Variants in CCAR1 observed in about 807,000 individuals in gnomAD.
CCAR1 encodes cell division cycle and apoptosis regulator protein 1.
In CCAR1, 78 loss-of-function variants were observed where a neutral mutation model predicts 163.8. The observed-to-expected ratio is 0.48, with a 90% CI of 0.40 to 0.57. The LOEUF (loss-of-function observed/expected upper bound fraction) is 0.57. Ranked by LOEUF, CCAR1 falls within the 20% of genes least tolerant of loss-of-function variation. The pLI, the probability that CCAR1 is intolerant of heterozygous loss-of-function variation, is 0.00. For missense variants in CCAR1, 1,019 were observed against 1,365.2 expected (o/e 0.75, Z 4.00); for synonymous variants, 443 against 460.7 (o/e 0.96, Z 0.49).
At chr10:68,739,499 T>TC (rs2056156122) in intron 4 of CCAR1, among the ~76,000 whole-genome samples, 1 of 152,132 alleles carries the variant, frequency 6.6e-6, no homozygotes, top group Non-Finnish European at 1.5e-5. Context: ...AACTTCTTTG[T>TC]CCCTAGATCC....
chr10:68,728,800 C>G (rs552490429), intron 2 of CCAR1, among the ~76,000 whole-genome samples: 1 of 152,038 alleles, frequency 6.6e-6, no homozygotes, highest in Admixed American at 6.6e-5. Context: ...ACTAAAAATA[C>G]AAAAATAAGC....
intron 17 of CCAR1, among the ~76,000 whole-genome samples, chr10:68,766,923 C>T (rs1486695786): frequency 6.6e-6 from 1 of 152,152 alleles, no homozygotes; most frequent in Non-Finnish European, 1.5e-5. Context: ...TCTAACTTTC[C>T]TTACAGACTC....
Position 68,788,200 on chromosome 10 carries a change from A to G in CCAR1, c.3059A>G (p.Glu1020Gly). The G allele has an allele frequency of 6.3e-7, 1 of 1,596,516 alleles. No homozygotes were observed. The highest frequency in any genetic ancestry group is 8.5e-7 in the Non-Finnish European group (1 of 1,173,982). Residue 1020 changes from glutamate (E) to glycine (G), a missense_variant, in exon 23 of 25, where the codon GAA (glutamate) becomes GGA (glycine). By Grantham distance (98) the Glu-to-Gly change is moderately conservative. This residue lies in a region of CCAR1 where 358 missense variants were observed against 406.4 expected (regional missense o/e 0.88). Coordinates refer to ENST00000265872, the MANE Select transcript of CCAR1 (RefSeq NM_018237.4). The part of the protein sequence containing the change: ...TVKQESKDVE[E>G]NVGLIVYNGA... ...AAGCAGGAATCAAAGGATGTGGAAGAAAATGTTGGCCTCATTGTGTACAAT... is the reference window on the plus strand; with the variant it reads ...AAGCAGGAATCAAAGGATGTGGAAGGAAATGTTGGCCTCATTGTGTACAAT...
At position 68,749,652 on chromosome 10, in the gene CCAR1, A is replaced by T; in HGVS notation, c.1085A>T (p.Tyr362Phe). Reference protein sequence around the residue: ...PRRVRRVVPRYTVQFSKFSLD... With the variant: ...PRRVRRVVPRFTVQFSKFSLD... ...AGAGTTCGACGTGTTGTTCCACGTT[A>T]CACAGTTCAGTTTTCAAAGTTTTCT... Residue 362 changes from tyrosine (Y) to phenylalanine (F), a missense_variant, in exon 10 of 25, where the codon TAC (tyrosine) becomes TTC (phenylalanine). By Grantham distance (22) the Tyr-to-Phe change is conservative. Transcript: ENST00000265872. The T allele has an allele frequency of 4.3e-6, 7 of 1,613,124 alleles. No homozygotes were observed. Among genetic ancestry groups the T allele is most frequent in the Non-Finnish European group, 5.9e-6 (7 of 1,179,274 alleles).
intron 2 of CCAR1, among the ~76,000 whole-genome samples, chr10:68,729,060 C>A (rs542162787): frequency 6.6e-6 from 1 of 151,964 alleles, no homozygotes; most frequent in Non-Finnish European, 1.5e-5. Context: ...ACTATTAAGC[C>A]CCTGAAATAT....
At chr10:68,774,335 T>C (rs963779604) in intron 19 of CCAR1, among the ~76,000 whole-genome samples, 2 of 152,110 alleles carry the variant, frequency 1.3e-5, no homozygotes, top group African/African-American at 4.8e-5. Context: ...TCTAAATATA[T>C]TCTTTAGAAA....
chr10:68,742,205 G>A (rs1396041539), intron 5 of CCAR1, among the ~76,000 whole-genome samples, 171 bp from the exon 6 acceptor site: 1 of 152,102 alleles, frequency 6.6e-6, no homozygotes, highest in Non-Finnish European at 1.5e-5. Context: ...TGATGAAATA[G>A]GCTAAAAATA....
rs1425483092 is a variant in CCAR1, at chr10:68,773,060, G to A, written c.2611G>A (p.Asp871Asn). The A allele has an allele frequency of 6.4e-7, 1 of 1,565,074 alleles. No individual in the cohort carries two copies. The highest frequency in any genetic ancestry group is 8.7e-7 in the Non-Finnish European group (1 of 1,150,576). ...AGAAGATAACAATCAAGATGAATAT[G>A]ACCCTATGGAAGCAGAAGAAGCTGA... Reference protein sequence around the residue: ...TEEDNNQDEYDPMEAEEAEDE... With the variant: ...TEEDNNQDEYNPMEAEEAEDE... Residue 871 changes from aspartate to asparagine, a missense_variant, in exon 19 of 25, where the codon GAC (aspartate) becomes AAC (asparagine). Coordinates refer to ENST00000265872, the MANE Select transcript of CCAR1 (RefSeq NM_018237.4).
chr10:68,766,352 G>A (rs2056535458), intron 17 of CCAR1, among the ~76,000 whole-genome samples: 1 of 151,562 alleles, frequency 6.6e-6, no homozygotes, highest in Non-Finnish European at 1.5e-5. Flanking sequence ...ACAGGCACCT[G>A]CCACCACACC....
intron 19 of CCAR1, among the ~76,000 whole-genome samples, chr10:68,778,679 C>A (rs1318804042): frequency 6.6e-6 from 1 of 152,146 alleles, no homozygotes; most frequent in Non-Finnish European, 1.5e-5. Flanking sequence ...AATATATATT[C>A]CAAGTTCCTG....
rs750259008 is a variant in CCAR1, at chr10:68,747,484, G to A, written c.744G>A (p.Leu248=). ...VQTQPQPQSL[L]QAQISAASIT... ...CTCAGCCCCAGCCCCAGTCACTGCT[G>A]CAGGCACAGATTTCAGCAGCTTCTA... Residue 248 remains leucine (L), a synonymous_variant, in exon 8 of 25, where the codon CTG becomes CTA. Transcript: ENST00000265872. The A allele has an allele frequency of 1.2e-6, 2 of 1,614,120 alleles. No individual in the cohort carries two copies. Among genetic ancestry groups the A allele is most frequent in the South Asian group, 1.1e-5 (1 of 91,080 alleles).
At chr10:68,727,783 A>T (rs1564527047) in intron 2 of CCAR1, among the ~76,000 whole-genome samples, 1 of 152,156 alleles carries the variant, frequency 6.6e-6, no homozygotes, top group Non-Finnish European at 1.5e-5. Flanking sequence ...CCAGTCAATC[A>T]AATCTTTAAG....
intron 9 of CCAR1, 40 bp from the exon 10 acceptor site, chr10:68,749,484 T>C (rs974253861): frequency 3.9e-6 from 6 of 1,526,760 alleles, no homozygotes; most frequent in Non-Finnish European, 4.5e-6. Flanking sequence ...TTTTCCATAA[T>C]ATTAGAAATA....
chr10:68,788,714 A>T lies in CCAR1; in HGVS notation c.3187+386A>T, dbSNP rs1464256670. Reference sequence around the variant, plus strand: ...TGGCCAGGATGGTCTCAAACTCCTGACCTCAAGGGATCACCCACTTTGGCC... The same window carrying T: ...TGGCCAGGATGGTCTCAAACTCCTGTCCTCAAGGGATCACCCACTTTGGCC... On this transcript the variant is annotated intron_variant, in intron 23 of 24. Coordinates refer to ENST00000265872, the MANE Select transcript of CCAR1 (RefSeq NM_018237.4). Among the ~76,000 whole-genome samples the T allele has an allele frequency of 4.6e-5, 7 of 152,080 alleles. No homozygotes were observed. The East Asian group carries it at 1.4e-3, about 29-fold the overall frequency.
At chr10:68,750,849 T>C (rs538970795) in intron 10 of CCAR1, among the ~76,000 whole-genome samples, 22 of 152,288 alleles carry the variant, frequency 1.4e-4, no homozygotes, top group African/African-American at 5.1e-4. Context: ...TTCATAATAC[T>C]TGCCTATCAG....
chr10:68,748,907 G>A (rs985914568), intron 8 of CCAR1, among the ~76,000 whole-genome samples: 2 of 151,882 alleles, frequency 1.3e-5, no homozygotes, highest in African/African-American at 4.8e-5. Flanking sequence ...TGAACTCCTG[G>A]ACTCAAGTAA....
intron 6 of CCAR1, among the ~76,000 whole-genome samples, chr10:68,746,246 C>G (rs911895607): frequency 2.0e-5 from 3 of 151,588 alleles, no homozygotes; most frequent in Non-Finnish European, 2.9e-5. Flanking sequence ...GTTGGGATTA[C>G]AGGCGTGAGC....
intron 19 of CCAR1, among the ~76,000 whole-genome samples, chr10:68,780,832 T>C (rs967118669): frequency 1.3e-5 from 2 of 152,220 alleles, no homozygotes; most frequent in Non-Finnish European, 2.9e-5. Flanking sequence ...GATGACGAGC[T>C]TAATTATAAA....
chr10:68,731,705 C>G (rs1483211174), intron 2 of CCAR1, among the ~76,000 whole-genome samples: 1 of 150,936 alleles, frequency 6.6e-6, no homozygotes, highest in African/African-American at 2.4e-5. Context: ...AAACAAGTGC[C>G]TCAGCCTCAG....
Sources: allele counts gnomAD v4.1 joint callset (sites outside exome capture counted in the v4.1 genomes callset), GRCh38; gene constraint gnomAD v4.1.1; regional missense constraint gnomAD v4.1.1; transcripts MANE v1.5; gene names NCBI Gene and HGNC (gene_info 2026-07-23, HGNC 2026-07-21).